The following SPINK8 variants were observed in gnomAD, a reference collection of about 807,000 sequenced individuals.
The protein encoded by SPINK8 is serine protease inhibitor Kazal-type 8.
A neutral mutation model predicts 14.4 loss-of-function variants in SPINK8; 12 were observed. The ratio of observed to expected loss-of-function variants is 0.83; its 90% CI spans 0.53 to 1.35. The LOEUF is 1.35. Among genes scored for constraint, SPINK8 ranks in the 40% most tolerant of loss-of-function variants. SPINK8 has a pLI of 0.00. For synonymous variants in SPINK8, 32 were observed against 37.6 expected, an observed-to-expected ratio of 0.85 and a Z score of 0.55; for missense variants, 103 against 117.0, an observed-to-expected ratio of 0.88 and a Z score of 0.55.
intron 4 of SPINK8, among the ~76,000 whole-genome samples, chr3:48,322,682 A>T (rs1332425320): frequency 1.3e-5 from 2 of 152,094 alleles, no homozygotes; most frequent in African/African-American, 4.8e-5. Context: ...ATTTCATATA[A>T]ATGGAGTCAT....
intron 7 of SPINK8, among the ~76,000 whole-genome samples, chr3:48,308,183 C>A (rs2035875922): frequency 6.6e-6 from 1 of 151,580 alleles, no homozygotes; most frequent in Admixed American, 6.6e-5. Flanking sequence ...ACCGTGTTAG[C>A]CAGGATGGTC....
chr3:48,308,281 C>A (rs961373334), intron 7 of SPINK8, among the ~76,000 whole-genome samples: 1 of 152,068 alleles, frequency 6.6e-6, no homozygotes, highest in African/African-American at 2.4e-5. Flanking sequence ...GCCCAGTCTG[C>A]ATTCTTAATC....
intron 4 of SPINK8, among the ~76,000 whole-genome samples, chr3:48,325,718 G>C (rs1320899385): frequency 1.3e-5 from 2 of 151,356 alleles, no homozygotes; most frequent in Non-Finnish European, 2.9e-5. Context: ...TCAGCCTCCT[G>C]AGATGGGAGG....
intron 2 of SPINK8, among the ~76,000 whole-genome samples, chr3:48,330,316 C>T (rs527745651): frequency 2.0e-5 from 3 of 152,050 alleles, no homozygotes; most frequent in Non-Finnish European, 2.9e-5. Flanking sequence ...GCTAGGAGTT[C>T]GAGACCGGCT....
chr3:48,307,533 T>C (rs78159520), intron 7 of SPINK8, among the ~76,000 whole-genome samples: 28,778 of 132,380 alleles, frequency 0.22, 3,999 homozygotes, highest in South Asian at 0.3. Context: ...CCTCCCTATC[T>C]GCCCCCCACC....
intron 6 of SPINK8, among the ~76,000 whole-genome samples, chr3:48,316,074 A>C (rs190303690): frequency 8.5e-5 from 13 of 152,350 alleles, no homozygotes; most frequent in Non-Finnish European, 1.5e-4. Context: ...GATAAAACTC[A>C]ATTCAAATTG....
chr3:48,313,011 A>C (rs1033261740), intron 6 of SPINK8, among the ~76,000 whole-genome samples: 1 of 151,772 alleles, frequency 6.6e-6, no homozygotes, highest in Non-Finnish European at 1.5e-5. Flanking sequence ...AAAAAAAAAG[A>C]TCAATGGGCT....
At position 48,319,519 on chromosome 3, in the gene SPINK8, A is replaced by G. The variant is rs1227175264; in HGVS notation, c.217T>C (p.Cys73Arg). Residue 73 changes from cysteine to arginine, a missense_variant, in exon 6 of 8, where the codon TGC becomes CGC. Cys to Arg is a radical substitution (Grantham distance 180). Transcript: ENST00000434006. ...GSDQVTYSSDCHLCSKILFEG... is the reference protein window; with the variant it reads ...GSDQVTYSSDRHLCSKILFEG... ...TACAGAATTTTGGAGCACAGATGGC[A>G]GTCACTACTGTAGGTAACCTGGTCA... 4.3e-6 allele frequency: 7 copies of G among 1,613,998 alleles called. No individual in the cohort carries two copies. The South Asian group carries it at 5.5e-5, about 13-fold the overall frequency.
At chr3:48,329,493 C>T (rs1270590874) in intron 2 of SPINK8, among the ~76,000 whole-genome samples, 1 of 152,146 alleles carries the variant, frequency 6.6e-6, no homozygotes, top group Non-Finnish European at 1.5e-5. Flanking sequence ...TTTTTGAATT[C>T]CTACATTTTA....
intron 6 of SPINK8, among the ~76,000 whole-genome samples, chr3:48,315,380 C>T (rs1560015737): frequency 6.6e-6 from 1 of 152,102 alleles, no homozygotes; most frequent in Non-Finnish European, 1.5e-5. Context: ...TGAGGAAGCC[C>T]AGATGTTGGA....
intron 6 of SPINK8, among the ~76,000 whole-genome samples, chr3:48,310,682 A>G (rs2035913688): frequency 6.6e-6 from 1 of 152,070 alleles, no homozygotes; most frequent in African/African-American, 2.4e-5. Context: ...TATTTTTAGT[A>G]GAGACTGGGT....
At chr3:48,320,972 A>C in intron 5 of SPINK8, 53 bp downstream of exon 5, 1 of 1,551,298 alleles carries the variant, frequency 6.4e-7, no homozygotes, top group Non-Finnish European at 8.7e-7. Flanking sequence ...GCTTTTGGGC[A>C]AACTGGCTCT....
intron 6 of SPINK8, among the ~76,000 whole-genome samples, chr3:48,315,720 C>CAAAAAA (rs66504818): frequency 3.6e-3 from 78 of 21,730 alleles, no homozygotes; most frequent in African/African-American, 5.3e-3. Context: ...GACTCCATCT[C>CAAAAAA]AAAAAAAAAA....
intron 5 of SPINK8, 85 bp downstream of exon 5, chr3:48,320,940 C>A: frequency 1.4e-6 from 2 of 1,393,894 alleles, no homozygotes; most frequent in Non-Finnish European, 2.0e-6. Context: ...CCACTGCCCA[C>A]CTCCCAGAAG....
At chr3:48,317,625 C>T (rs978896640) in intron 6 of SPINK8, among the ~76,000 whole-genome samples, 8 of 151,888 alleles carry the variant, frequency 5.3e-5, no homozygotes, top group Non-Finnish European at 1.2e-4. Flanking sequence ...ATGCCATTCT[C>T]CTGCCTGAGC....
chr3:48,318,300 C>G (rs148915779), intron 6 of SPINK8, among the ~76,000 whole-genome samples: 5,713 of 152,088 alleles, frequency 0.038, 369 homozygotes, highest in African/African-American at 0.13. Flanking sequence ...ACCACCACAC[C>G]CGGCTAATTT....
chr3:48,324,693 C>T (rs1263050459), intron 4 of SPINK8, among the ~76,000 whole-genome samples: 1 of 152,032 alleles, frequency 6.6e-6, no homozygotes, highest in African/African-American at 2.4e-5. Context: ...TTTATTGAGG[C>T]TTGTTTTATG....
chr3:48,323,171 G>A (rs1167171319), intron 4 of SPINK8, among the ~76,000 whole-genome samples: 2 of 152,068 alleles, frequency 1.3e-5, no homozygotes, highest in Non-Finnish European at 2.9e-5. Flanking sequence ...TTGAGACAGA[G>A]TTTCGCTCTG....
intron 6 of SPINK8, among the ~76,000 whole-genome samples, chr3:48,317,033 T>G (rs986855820): frequency 6.6e-6 from 1 of 152,176 alleles, no homozygotes; most frequent in African/African-American, 2.4e-5. Flanking sequence ...AGGAAAATAA[T>G]AGACAGTATA....
Sources: gnomAD v4.1 joint callset for allele counts (sites outside exome capture counted in the v4.1 genomes callset) on GRCh38, gnomAD v4.1.1 for gene constraint, MANE v1.5 for transcripts, NCBI Gene and HGNC (gene_info 2026-07-23, HGNC 2026-07-21) for gene names.